NBPF11: variants seen among roughly 807,000 people sequenced by gnomAD.
NBPF11 encodes the protein NBPF family member NBPF11.
NBPF11 carries 72 observed loss-of-function variants against 93.9 expected under a neutral mutation model. The ratio of observed to expected loss-of-function variants is 0.77; its 90% confidence interval spans 0.63 to 0.93. The LOEUF (loss-of-function observed/expected upper bound fraction) is 0.93, where lower values mean the gene tolerates loss of function less well. NBPF11 is among the 40% of genes least tolerant of loss of function. The pLI is 0.00. For missense variants in NBPF11, 705 were observed against 802.2 expected (o/e 0.88, Z 1.46); for synonymous variants, 224 against 304.9 (o/e 0.73, Z 2.76).
chr1:148,120,676 G>C lies in NBPF11; in HGVS notation c.813C>G (p.Ser271Arg). 6.5e-7 allele frequency: 1 copy of C among 1,536,718 alleles called. No homozygotes were observed. Among genetic ancestry groups the C allele is most frequent in the Non-Finnish European group, 9.0e-7 (1 of 1,111,640 alleles). The change falls in exon 10 of 24, where the codon AGC (serine) becomes AGG (arginine). Residue 271 changes from serine (S) to arginine (R), a missense_variant. Coordinates refer to ENST00000682118, the MANE Select transcript of NBPF11 (RefSeq NM_001385469.3). Reference protein sequence around the residue: ...PGPTSSATNVSMVVSAGPLSS... With the variant: ...PGPTSSATNVRMVVSAGPLSS... ...ACAAAGGGCCGGCTGATACCACCAT[G>C]CTGACGTTTGTGGCAGAAGAGGTGG...
chr1:148,111,591 A>G (rs200887558), intron 15 of NBPF11, among the ~76,000 whole-genome samples: 24,565 of 146,914 alleles, frequency 0.17, 2,464 homozygotes, highest in African/African-American at 0.26. Context: ...CATGGCACGA[A>G]AACTACGTGA....
At chr1:148,144,037 GA>G (rs369997694) in intron 1 of NBPF11, among the ~76,000 whole-genome samples, 3 of 151,694 alleles carry the variant, frequency 2.0e-5, no homozygotes, top group African/African-American at 4.9e-5. Flanking sequence ...AGCCTGGGGG[GA>G]AAAAAATAGA....
intron 2 of NBPF11, among the ~76,000 whole-genome samples, chr1:148,139,177 TAGG>T (rs1671810346): frequency 6.6e-6 from 1 of 151,626 alleles, no homozygotes; most frequent in African/African-American, 2.4e-5. Flanking sequence ...TCAATTTTAA[TAGG>T]AGATTTTAAA....
At chr1:148,142,263 C>T (rs1453330037) in intron 2 of NBPF11, among the ~76,000 whole-genome samples, 1 of 151,870 alleles carries the variant, frequency 6.6e-6, no homozygotes, top group Non-Finnish European at 1.5e-5. Flanking sequence ...CAGGAACATG[C>T]TAACTAGTTA....
intron 2 of NBPF11, among the ~76,000 whole-genome samples, chr1:148,138,957 G>A (rs2791885): frequency 0.012 from 1,839 of 150,386 alleles, 34 homozygotes; most frequent in African/African-American, 0.044. Context: ...CAGGTGTGGT[G>A]GCAGGCGCCT....
intron 1 of NBPF11, chr1:148,146,471 T>G: frequency 2.5e-6 from 4 of 1,604,556 alleles, no homozygotes; most frequent in Non-Finnish European, 3.4e-6. Flanking sequence ...GCTGCCAAGC[T>G]CGCCTTCCTG....
At chr1:148,142,548 T>C (rs1442933340) in intron 2 of NBPF11, among the ~76,000 whole-genome samples, 2 of 151,948 alleles carry the variant, frequency 1.3e-5, no homozygotes, top group Non-Finnish European at 2.9e-5. Context: ...CCATTTGTCA[T>C]TCTCACTGGA....
At chr1:148,141,711 G>T (rs1369250536) in intron 2 of NBPF11, among the ~76,000 whole-genome samples, 1 of 151,796 alleles carries the variant, frequency 6.6e-6, no homozygotes, top group African/African-American at 2.4e-5. Flanking sequence ...GTAAGGACAG[G>T]TGCAAACCAT....
At chr1:148,109,438 G>A (rs1553268193) in intron 16 of NBPF11, 103 bp from the exon 17 acceptor site, 4 of 857,290 alleles carry the variant, frequency 4.7e-6, no homozygotes, top group Non-Finnish European at 7.7e-6. Context: ...AGTCTTGTCA[G>A]TGTGAAAACA....
chr1:148,124,887 G>A lies in NBPF11; in HGVS notation c.278+12C>T. 1 of 1,608,054 alleles carries A rather than the reference G, an allele frequency of 6.2e-7. No homozygotes were observed. The highest frequency in any genetic ancestry group is 1.1e-5 in the South Asian group (1 of 91,000). On this transcript the variant is annotated intron_variant, in intron 6 of 23. Transcript: ENST00000682118. ...ACCTACCTGCCTGTCTCCCCCTACG[G>A]GGTCCCCTCACCTGAGCTCCTCAGC...
chr1:148,118,650 G>A lies in NBPF11; in HGVS notation c.1061C>T (p.Ala354Val). 1.9e-6 allele frequency: 3 copies of A among 1,612,952 alleles called. No homozygotes were observed. The highest frequency in any genetic ancestry group is 2.2e-5 in the South Asian group (2 of 91,028). Residue 354 changes from alanine (A) to valine (V), a missense_variant, in exon 11 of 24, where the codon GCA becomes GTA. By Grantham distance (64) the Ala-to-Val change is moderately conservative. Around this residue, in one of 12 missense-constraint regions of NBPF11, gnomAD observed 262 missense variants for 223.1 expected, o/e 1.17. Transcript: ENST00000682118. The part of the protein sequence containing the change: ...NERQFKEEKL[A>V]EQLKQAEELR... ...CTCCTCAGCTTGCTTCAGCTGCTCT[G>A]CAAGCTTCTCCTCCTTGAACTGTCG... is the stretch of plus-strand genomic sequence containing the variant.
At position 148,103,676 on chromosome 1, in the gene NBPF11, G is replaced by T. The variant is rs1316377987; in HGVS notation, c.*220C>A. 7 of 1,611,108 alleles carry T rather than the reference G, an allele frequency of 4.3e-6. No individual in the cohort carries two copies. The highest frequency in any genetic ancestry group is 1.3e-5 in the African/African-American group (1 of 74,736). On this transcript the variant is annotated 3_prime_UTR_variant, in exon 24 of 24. Coordinates refer to ENST00000682118, the MANE Select transcript of NBPF11 (RefSeq NM_001385469.3). ...CGGCTTAGTAAGGGCTGCTTATTGT[G>T]GGAATATGACTCCCATCTGGAAGAC...
At position 148,146,637 on chromosome 1, in the gene NBPF11, C is replaced by T. The variant is rs1448242363; in HGVS notation, c.-548-2951G>A. ...GTGCCGACTTCCAGTACAGCCAGCG[C>T]GAGCTGGACACCATCGAGGTCTTCC... On this transcript the variant is annotated intron_variant, in intron 1 of 23. Transcript: ENST00000682118. 266 of 1,611,446 alleles carry T rather than the reference C, an allele frequency of 1.7e-4. 1 individual carries two copies. The South Asian group carries it at 2.7e-3, about 17-fold the overall frequency.
intron 6 of NBPF11, among the ~76,000 whole-genome samples, chr1:148,124,394 A>C (rs1458391846): frequency 6.7e-6 from 1 of 150,182 alleles, no homozygotes; most frequent in Middle Eastern, 3.4e-3. Flanking sequence ...CCATGTGAAA[A>C]TACACATAGT....
At chr1:148,122,697 C>T (rs1412980716) in intron 8 of NBPF11, 32 bp downstream of exon 8, 29 of 1,606,354 alleles carry the variant, frequency 1.8e-5, no homozygotes, top group Non-Finnish European at 2.3e-5. Context: ...TATGTTACCA[C>T]CCATTACTTG....
intron 3 of NBPF11, among the ~76,000 whole-genome samples, 164 bp downstream of exon 3, chr1:148,137,547 G>A (rs1671517094): frequency 6.6e-6 from 1 of 151,444 alleles, no homozygotes; most frequent in Admixed American, 6.6e-5. Context: ...TCAAACCACT[G>A]GTTTGTGGTA....
intron 2 of NBPF11, among the ~76,000 whole-genome samples, chr1:148,142,638 C>T (rs1672378595): frequency 6.6e-6 from 1 of 152,112 alleles, no homozygotes; most frequent in Non-Finnish European, 1.5e-5. Flanking sequence ...GGCCATGCCC[C>T]TTTCTTTCTC....
chr1:148,141,676 G>A (rs1226120621), intron 2 of NBPF11, among the ~76,000 whole-genome samples: 4 of 151,820 alleles, frequency 2.6e-5, no homozygotes, highest in Admixed American at 2.0e-4. Flanking sequence ...AGCAGCCTCA[G>A]TCATCTAGAC....
chr1:148,122,817 G>A lies in NBPF11; in HGVS notation c.494-16C>T. 2.5e-6 allele frequency: 4 copies of A among 1,609,662 alleles called. No homozygotes were observed. Among genetic ancestry groups the A allele is most frequent in the East Asian group, 2.2e-5 (1 of 44,880 alleles). The stretch of plus-strand genomic sequence containing the variant: ...TCGTCATTTTCTATAAATACAAAAT[G>A]TTCGTTCAGATATTTCCCACTTCAC... On this transcript the variant is annotated splice_polypyrimidine_tract_variant and intron_variant, in intron 7 of 23. Transcript: ENST00000682118.
Sources: gnomAD v4.1 joint callset for allele counts (sites outside exome capture counted in the v4.1 genomes callset) on GRCh38, gnomAD v4.1.1 for gene constraint, gnomAD v4.1.1 regional missense constraint, MANE v1.5 for transcripts, NCBI Gene and HGNC (gene_info 2026-07-23, HGNC 2026-07-21) for gene names.